Variants in USP31 observed in about 807,000 individuals in gnomAD.
USP31 encodes ubiquitin specific peptidase 31.
Under a neutral mutation model 119.4 loss-of-function variants are expected in USP31, and 44 were observed. The observed-to-expected ratio is 0.37, with a 90% CI of 0.29 to 0.47. USP31 has a LOEUF of 0.47. Ranked by LOEUF, USP31 falls within the 20% of genes least tolerant of loss-of-function variation. The pLI, the probability that USP31 is intolerant of heterozygous loss-of-function variation, is 0.99. For synonymous variants in USP31, 749 were observed against 705.6 expected, an observed-to-expected ratio of 1.06 and a Z score of -0.97; for missense variants, 1,643 against 1,730.2, an observed-to-expected ratio of 0.95 and a Z score of 0.89.
rs1383283115 is a variant in USP31, at chr16:23,123,998, C to CA, written c.634-15816dup. 4.2e-3 allele frequency among the ~76,000 whole-genome samples: 563 copies of CA among 132,952 alleles called. 8 individuals are homozygous for CA. In the East Asian group the frequency reaches 0.057, roughly 14 times the overall value. 87.2% of individuals were successfully genotyped at this position (132,952 alleles called of 152,430 possible). A position where few individuals can be genotyped will look rare whatever the true frequency, so the allele number is the denominator to read the frequency against. On this transcript the variant is annotated intron_variant, in intron 1 of 15. Transcript: ENST00000219689. Reference sequence around the variant, plus strand: ...TGGGAGACAGAGTGAGATTCTATCTCAAAAAAAAAAAGAAGAAAAGTACAG... The same window carrying CA: ...TGGGAGACAGAGTGAGATTCTATCTCAAAAAAAAAAAAGAAGAAAAGTACAG...
intron 9 of USP31, 151 bp from the exon 10 acceptor site, chr16:23,085,813 C>A (rs921944034): frequency 7.4e-6 from 5 of 678,122 alleles, no homozygotes; most frequent in East Asian, 2.6e-5. Context: ...AAGTTTTCAG[C>A]AAGACCACTA....
At chr16:23,086,692 G>A (rs902565595) in intron 9 of USP31, among the ~76,000 whole-genome samples, 8 of 152,170 alleles carry the variant, frequency 5.3e-5, no homozygotes, top group Non-Finnish European at 1.0e-4. Flanking sequence ...AAAAGTAAGC[G>A]GAATTCAAAC....
intron 1 of USP31, among the ~76,000 whole-genome samples, chr16:23,143,893 G>A (rs1195034094): frequency 6.6e-6 from 1 of 152,152 alleles, no homozygotes; most frequent in Non-Finnish European, 1.5e-5. Flanking sequence ...GGGGCAGGGT[G>A]GGGTGAGGAC....
intron 1 of USP31, among the ~76,000 whole-genome samples, chr16:23,148,095 T>G (rs751587052): frequency 6.6e-6 from 1 of 152,196 alleles, no homozygotes; most frequent in South Asian, 2.1e-4. Context: ...ATTTTACTTA[T>G]CAGGTTGAAC....
intron 10 of USP31, 105 bp from the exon 11 acceptor site, chr16:23,085,094 A>G: frequency 6.8e-7 from 1 of 1,462,008 alleles, no homozygotes; most frequent in Non-Finnish European, 9.1e-7. Context: ...ACCGAAGGAA[A>G]AAAAAAATCA....
intron 1 of USP31, among the ~76,000 whole-genome samples, chr16:23,135,531 T>A (rs1903162984): frequency 1.3e-5 from 2 of 152,150 alleles, no homozygotes; most frequent in Non-Finnish European, 2.9e-5. Context: ...AATTGCACTT[T>A]TATATACTAG....
At chr16:23,115,992 GGAA>G (rs1902473551) in intron 1 of USP31, among the ~76,000 whole-genome samples, 2 of 152,096 alleles carry the variant, frequency 1.3e-5, no homozygotes, top group Non-Finnish European at 2.9e-5. Context: ...CCTAACCCCA[GGAA>G]GAAGAAGAAA....
chr16:23,109,093 T>G (rs527960990), intron 1 of USP31, among the ~76,000 whole-genome samples: 1 of 152,146 alleles, frequency 6.6e-6, no homozygotes, highest in African/African-American at 2.4e-5. Flanking sequence ...TCAGCTGAAG[T>G]TGGTATAAAC....
At chr16:23,131,464 T>C (rs1164477668) in intron 1 of USP31, among the ~76,000 whole-genome samples, 1 of 152,126 alleles carries the variant, frequency 6.6e-6, no homozygotes, top group Non-Finnish European at 1.5e-5. Flanking sequence ...AGCCAAATTT[T>C]TGTAGAAGAC....
At chr16:23,139,230 C>T (rs1903280862) in intron 1 of USP31, among the ~76,000 whole-genome samples, 1 of 152,088 alleles carries the variant, frequency 6.6e-6, no homozygotes, top group East Asian at 1.9e-4. Flanking sequence ...TGGTGAAACC[C>T]CATCTCTACT....
Position 23,079,942 on chromosome 16 carries a change from AGACCTGTGTAG to A in USP31, c.2169_2176+3del, listed in dbSNP as rs1395859957. The A allele has an allele frequency of 6.2e-7, 1 of 1,604,358 alleles. No homozygotes were observed. Among genetic ancestry groups the A allele is most frequent in the Non-Finnish European group, 8.5e-7 (1 of 1,175,780 alleles). ...ACAGACACGCAGCCTCTCACACTGC[AGACCTGTGTAG>A]TGCCCCCCTTGCATGGTGCCATGGT... On this transcript the variant is annotated splice_donor_variant and splice_donor_region_variant and coding_sequence_variant and intron_variant, in exon 13 of 16. Transcript: ENST00000219689. LOFTEE classifies it high-confidence loss of function.
Position 23,063,339 on chromosome 16 carries a change from G to GC in USP31, c.*4706dup, listed in dbSNP as rs1026283597. The GC allele has an allele frequency of 3.3e-5, 5 of 152,356 alleles. No individual in the cohort carries two copies. Among genetic ancestry groups the GC allele is most frequent in the African/African-American group, 9.7e-5 (4 of 41,442 alleles). The allele number at this position is 152,356 out of a possible 1,614,324, so 9.4% of individuals were successfully genotyped here. ...TCTAATTGTGATCAGTGGCTGGGAAGCCCCAAAGCTTTTCAAAATAGCTCT... is the reference window on the plus strand; with the variant it reads ...TCTAATTGTGATCAGTGGCTGGGAAGCCCCCAAAGCTTTTCAAAATAGCTCT... On this transcript the variant is annotated 3_prime_UTR_variant, in exon 16 of 16. Coordinates refer to ENST00000219689, the MANE Select transcript of USP31 (RefSeq NM_020718.4).
At chr16:23,130,302 T>C (rs1277805314) in intron 1 of USP31, among the ~76,000 whole-genome samples, 2 of 152,120 alleles carry the variant, frequency 1.3e-5, no homozygotes, top group African/African-American at 4.8e-5. Flanking sequence ...AACTATCAAT[T>C]AGGCCAGGCG....
At chr16:23,144,727 C>A (rs1903456181) in intron 1 of USP31, among the ~76,000 whole-genome samples, 1 of 152,126 alleles carries the variant, frequency 6.6e-6, no homozygotes, top group South Asian at 2.1e-4. Context: ...AGTGATCCAC[C>A]CACCTTGGCC....
intron 1 of USP31, among the ~76,000 whole-genome samples, chr16:23,147,401 G>A (rs1398406422): frequency 1.3e-5 from 2 of 152,174 alleles, no homozygotes; most frequent in African/African-American, 4.8e-5. Flanking sequence ...GAGCCACTGC[G>A]CCCCGCCCGA....
intron 1 of USP31, among the ~76,000 whole-genome samples, chr16:23,111,507 AC>A (rs1902317373): frequency 6.6e-6 from 1 of 152,198 alleles, no homozygotes; most frequent in Non-Finnish European, 1.5e-5. Context: ...CTGAAGTTCT[AC>A]AGAAGCTCTG....
Position 23,073,856 on chromosome 16 carries a change from C to G in USP31, c.2201G>C (p.Gly734Ala), listed in dbSNP as rs1288857830. 2 of 1,614,038 alleles carry G rather than the reference C, an allele frequency of 1.2e-6. No homozygotes were observed. Among genetic ancestry groups the G allele is most frequent in the African/African-American group, 2.7e-5 (2 of 75,034 alleles). ...YTAYCKNSVD[G>A]LWYCFDDSDV... is the part of the protein sequence containing the mutation. ...GCTGTCATCGAAGCAGTACCAGAGGCCGTCCACAGAGTTCTTACAGTACGC... is the reference window on the plus strand; with the variant it reads ...GCTGTCATCGAAGCAGTACCAGAGGGCGTCCACAGAGTTCTTACAGTACGC... Residue 734 changes from glycine to alanine, a missense_variant, in exon 14 of 16, where the codon GGC becomes GCC. Gly to Ala is a moderately conservative substitution (Grantham distance 60). This residue lies in a region of USP31 where 279 missense variants were observed against 372.2 expected (regional missense o/e 0.75). Transcript: ENST00000219689.
intron 1 of USP31, among the ~76,000 whole-genome samples, chr16:23,118,927 C>T (rs946855348): frequency 6.6e-6 from 1 of 151,554 alleles, no homozygotes; most frequent in African/African-American, 2.4e-5. Context: ...CAACTGAGAT[C>T]GCACCACTGC....
intron 1 of USP31, among the ~76,000 whole-genome samples, chr16:23,117,495 G>A (rs1023455989): frequency 1.1e-4 from 16 of 152,154 alleles, no homozygotes; most frequent in Admixed American, 2.6e-4. Flanking sequence ...ACAAAACTAA[G>A]GGTTAAAGTA....
Sources: gnomAD v4.1 joint callset for allele counts (sites outside exome capture counted in the v4.1 genomes callset) on GRCh38, gnomAD v4.1.1 for gene constraint, gnomAD v4.1.1 regional missense constraint, MANE v1.5 for transcripts, NCBI Gene and HGNC (gene_info 2026-07-23, HGNC 2026-07-21) for gene names.